SLC2A1: variants seen among roughly 807,000 people sequenced by gnomAD.
The protein encoded by SLC2A1 is solute carrier family 2 member 1, also known as solute carrier family 2, facilitated glucose transporter member 1.
Under a neutral mutation model 46.6 loss-of-function variants are expected in SLC2A1, and 4 were observed. The ratio of observed to expected loss-of-function variants is 0.09; its 90% CI spans 0.04 to 0.20. SLC2A1 has a LOEUF of 0.20. SLC2A1 is among the 10% of genes least tolerant of loss of function. The pLI, the probability that SLC2A1 is intolerant of heterozygous loss-of-function variation, is 1.00. For missense variants in SLC2A1, 352 were observed against 667.0 expected (o/e 0.53, Z 5.20); for synonymous variants, 253 against 270.0 (o/e 0.94, Z 0.62).
At chr1:42,948,732 C>A (rs1309909676) in intron 1 of SLC2A1, among the ~76,000 whole-genome samples, 1 of 152,028 alleles carries the variant, frequency 6.6e-6, no homozygotes, top group African/African-American at 2.4e-5. Context: ...AGTTCCAGAC[C>A]AGCTTGGCCA....
chr1:42,949,579 C>T (rs1643699052), intron 1 of SLC2A1, among the ~76,000 whole-genome samples: 2 of 152,208 alleles, frequency 1.3e-5, no homozygotes, highest in South Asian at 4.1e-4. Flanking sequence ...AAGACCCTTG[C>T]ATGACTGAAC....
At chr1:42,942,566 C>G (rs578214945) in intron 2 of SLC2A1, among the ~76,000 whole-genome samples, 8 of 151,500 alleles carry the variant, frequency 5.3e-5, no homozygotes, top group South Asian at 4.2e-4. Context: ...ACCTTCACCC[C>G]CTGTGGCTCC....
At chr1:42,943,835 A>G (rs138560255) in intron 1 of SLC2A1, among the ~76,000 whole-genome samples, 142 of 152,304 alleles carry the variant, frequency 9.3e-4, no homozygotes, top group African/African-American at 3.2e-3. Flanking sequence ...TAAGTCCCCC[A>G]TGTACCACCT....
intron 1 of SLC2A1, among the ~76,000 whole-genome samples, chr1:42,955,905 A>G (rs1557655551): frequency 6.6e-6 from 1 of 152,212 alleles, no homozygotes; most frequent in Non-Finnish European, 1.5e-5. Context: ...GAGGAGCACA[A>G]TGGAACACGG....
In SLC2A1 at chr1:42,929,225, G is replaced by T. The variant is rs1643460439; in HGVS notation, c.957C>A (p.Ala319=). The change falls in exon 7 of 10, where the codon GCC becomes GCA. Residue 319 remains alanine, a synonymous_variant. Transcript: ENST00000426263. The surrounding 1 kb of genome is among the most constrained non-coding windows in gnomAD (Gnocchi z 6.0). ...AAAGACTCACCGACACGACAGTGAA[G>T]GCCGTGTTGACGATACCGGAGCCAA... is the stretch of plus-strand genomic sequence containing the variant. The part of the protein sequence containing the change: ...ATIGSGIVNT[A]FTVVSLFVVE... The T allele has an allele frequency of 6.2e-7, 1 of 1,613,658 alleles. No homozygotes were observed. The highest frequency in any genetic ancestry group is 1.7e-5 in the Admixed American group (1 of 60,004).
At chr1:42,953,469 C>T (rs1468758311) in intron 1 of SLC2A1, among the ~76,000 whole-genome samples, 3 of 152,210 alleles carry the variant, frequency 2.0e-5, no homozygotes, top group African/African-American at 4.8e-5. Flanking sequence ...TCTCTGAGCC[C>T]ATGAATCTGG....
intron 2 of SLC2A1, among the ~76,000 whole-genome samples, chr1:42,937,617 AT>A (rs1643554605): frequency 6.6e-6 from 1 of 152,200 alleles, no homozygotes; most frequent in Non-Finnish European, 1.5e-5. Flanking sequence ...ATTGCTTAAC[AT>A]TCCTGTGCCC....
Position 42,929,211 on chromosome 1 carries a change from G to A in SLC2A1, c.971C>T (p.Ser324Leu), listed in dbSNP as rs796053253. Residue 324 changes from serine (S) to leucine (L), a missense_variant and splice_region_variant, in exon 7 of 10, where the codon TCG becomes TTG. By Grantham distance (145) the Ser-to-Leu change is moderately radical (BLOSUM62 -2). Transcript: ENST00000426263. This position sits in a 1 kb window ranked among gnomAD's most constrained non-coding sequence, Gnocchi z 6.0. ...GGGGGCCAGTAAGCAAAGACTCACCGACACGACAGTGAAGGCCGTGTTGAC... is the reference window on the plus strand; with the variant it reads ...GGGGGCCAGTAAGCAAAGACTCACCAACACGACAGTGAAGGCCGTGTTGAC... The part of the protein sequence containing the change: ...GIVNTAFTVV[S>L]LFVVERAGRR... 1 of 1,612,706 alleles carries A rather than the reference G, an allele frequency of 6.2e-7. No homozygotes were observed. The highest frequency in any genetic ancestry group is 8.5e-7 in the Non-Finnish European group (1 of 1,178,708).
intron 1 of SLC2A1, chr1:42,952,419 T>C (rs1396227568): frequency 4.2e-6 from 2 of 476,894 alleles, no homozygotes; most frequent in African/African-American, 2.0e-5. Context: ...GATCAGCGAG[T>C]TGGGGATAAG....
intron 2 of SLC2A1, among the ~76,000 whole-genome samples, chr1:42,936,241 G>T (rs1466363179): frequency 6.6e-6 from 1 of 152,194 alleles, no homozygotes; most frequent in Non-Finnish European, 1.5e-5. Flanking sequence ...TGGGGAAGAA[G>T]GGGCTAAACT....
intron 1 of SLC2A1, among the ~76,000 whole-genome samples, chr1:42,948,221 C>T (rs867202679): frequency 2.2e-4 from 33 of 152,232 alleles, no homozygotes; most frequent in Admixed American, 1.9e-3. Context: ...CCCCAACGCT[C>T]GGATGCCAGA....
At position 42,930,228 on chromosome 1, in the gene SLC2A1, A is replaced by C; in HGVS notation, c.517-193T>G. 1 of 676,800 alleles carries C rather than the reference A, an allele frequency of 1.5e-6. No homozygotes were observed. The allele number at this position is 676,800 out of a possible 1,614,324, so 41.9% of individuals were successfully genotyped here. On this transcript the variant is annotated intron_variant, in intron 4 of 9. Transcript: ENST00000426263. The surrounding 1 kb of genome is among the most constrained non-coding windows in gnomAD (Gnocchi z 6.2). ...ACATGGGAAAAGTAGGACCTACCCC[A>C]CAGTGTTGCTGGGAGGACAAATGAC...
intron 1 of SLC2A1, among the ~76,000 whole-genome samples, 179 bp downstream of exon 1, chr1:42,958,455 G>C (rs927169858): frequency 1.3e-5 from 2 of 150,526 alleles, no homozygotes; most frequent in Non-Finnish European, 3.0e-5. Context: ...CCCCACTGCG[G>C]CCAGCGGCCC....
intron 2 of SLC2A1, among the ~76,000 whole-genome samples, chr1:42,938,535 T>C (rs1374275483): frequency 2.0e-5 from 3 of 152,196 alleles, no homozygotes; most frequent in African/African-American, 7.2e-5. Context: ...GGGCCTGTTT[T>C]ATGGAAGAGA....
chr1:42,927,312 C>T lies in SLC2A1; in HGVS notation c.1279-71G>A. 2 of 1,447,500 alleles carry T rather than the reference C, an allele frequency of 1.4e-6. No individual in the cohort carries two copies. Among genetic ancestry groups the T allele is most frequent in the South Asian group, 1.2e-5 (1 of 86,300 alleles). 89.7% of individuals were successfully genotyped at this position (1,447,500 alleles called of 1,614,324 possible). On this transcript the variant is annotated intron_variant, in intron 9 of 9. Transcript: ENST00000426263. The surrounding 1 kb of genome is among the most constrained non-coding windows in gnomAD (Gnocchi z 5.3). ...CCTGGCTGTAGGACTTTGGATAAGTCACTTTACCTTTGGGCCTTTGAGCTG... is the reference window on the plus strand; with the variant it reads ...CCTGGCTGTAGGACTTTGGATAAGTTACTTTACCTTTGGGCCTTTGAGCTG...
Position 42,930,514 on chromosome 1 carries a change from G to A in SLC2A1, c.516+112C>T. On this transcript the variant is annotated intron_variant, in intron 4 of 9. Transcript: ENST00000426263. The surrounding 1 kb of genome is among the most constrained non-coding windows in gnomAD (Gnocchi z 6.2). ...TGTGTACCATAGTTGTCCTCTGCAAGGCTGTGGGGGCTGGGCGGAAGAGAA... is the reference window on the plus strand; with the variant it reads ...TGTGTACCATAGTTGTCCTCTGCAAAGCTGTGGGGGCTGGGCGGAAGAGAA... 1 of 1,442,356 alleles carries A rather than the reference G, an allele frequency of 6.9e-7. No individual in the cohort carries two copies. The highest frequency in any genetic ancestry group is 9.6e-7 in the Non-Finnish European group (1 of 1,043,656). 89.3% of individuals were successfully genotyped at this position (1,442,356 alleles called of 1,614,324 possible).
intron 1 of SLC2A1, among the ~76,000 whole-genome samples, chr1:42,947,846 G>A (rs933357338): frequency 6.6e-6 from 1 of 152,148 alleles, no homozygotes; most frequent in African/African-American, 2.4e-5. Context: ...AGCTGGCTCT[G>A]TGAGTATCTG....
At chr1:42,944,431 G>A (rs964619813) in intron 1 of SLC2A1, among the ~76,000 whole-genome samples, 29 of 152,186 alleles carry the variant, frequency 1.9e-4, no homozygotes, top group African/African-American at 6.0e-4. Flanking sequence ...CCAAAGAAAC[G>A]ACTGGCATTC....
At chr1:42,935,382 CGAG>C (rs1447698295) in intron 2 of SLC2A1, among the ~76,000 whole-genome samples, 2 of 152,190 alleles carry the variant, frequency 1.3e-5, no homozygotes, top group Non-Finnish European at 2.9e-5. Context: ...TCCCGCCAGT[CGAG>C]GCAACTGTGG....
Sources: allele counts gnomAD v4.1 joint callset (sites outside exome capture counted in the v4.1 genomes callset), GRCh38; gene constraint gnomAD v4.1.1; non-coding constraint Gnocchi (gnomAD v3.1); transcripts MANE v1.5; gene names NCBI Gene and HGNC (gene_info 2026-07-23, HGNC 2026-07-21).